Variants in TENM2 observed in about 807,000 individuals in gnomAD.
The protein encoded by TENM2 is teneurin transmembrane protein 2, also known as teneurin-2.
In TENM2, 52 loss-of-function variants were observed where a neutral mutation model predicts 245.2. That is an observed-to-expected ratio of 0.21 (90% CI 0.17 to 0.27). The LOEUF is 0.27. Among genes scored for constraint, TENM2 ranks in the 10% least tolerant of loss-of-function variants. The pLI is 1.00. For synonymous variants in TENM2, 1,363 were observed against 1,438.9 expected, an observed-to-expected ratio of 0.95 and a Z score of 1.19; for missense variants, 3,046 against 3,666.8, an observed-to-expected ratio of 0.83 and a Z score of 4.37.
chr5:167,644,956 G>A (rs1476463663), intron 2 of TENM2, among the ~76,000 whole-genome samples: 2 of 152,194 alleles, frequency 1.3e-5, no homozygotes, highest in Admixed American at 1.3e-4. Context: ...CACCTAGGCT[G>A]TATGGGATAG....
the TENM2 span, among the ~76,000 whole-genome samples, chr5:167,080,608 A>T: frequency 1.3e-5 from 2 of 152,042 alleles, no homozygotes; most frequent in African/African-American, 2.4e-5. Context: ...TTTCCTCGGG[A>T]TGCTAAAATA....
intron 2 of TENM2, among the ~76,000 whole-genome samples, chr5:167,708,739 A>G (rs1469521639): frequency 6.6e-6 from 1 of 152,158 alleles, no homozygotes; most frequent in Non-Finnish European, 1.5e-5. Context: ...TCATACAGTG[A>G]AAAAGAACTA....
At chr5:167,635,178 A>G (rs1403710882) in intron 2 of TENM2, among the ~76,000 whole-genome samples, 1 of 152,194 alleles carries the variant, frequency 6.6e-6, no homozygotes, top group Non-Finnish European at 1.5e-5. Context: ...TAATCTATAT[A>G]CAGAGATATA....
At chr5:167,198,353 C>G in the TENM2 span, among the ~76,000 whole-genome samples, 2 of 152,084 alleles carry the variant, frequency 1.3e-5, no homozygotes, top group Non-Finnish European at 2.9e-5. Flanking sequence ...GTGCAGTTCA[C>G]AGAGTCAACA....
At chr5:168,216,594 A>T (rs957686546) in intron 21 of TENM2, among the ~76,000 whole-genome samples, 174 bp from the exon 24 acceptor site, 1 of 152,168 alleles carries the variant, frequency 6.6e-6, no homozygotes, top group African/African-American at 2.4e-5. Flanking sequence ...CACAGTGCCC[A>T]TGGGAAAGGA....
chr5:168,175,049 C>A (rs569060096), intron 13 of TENM2, among the ~76,000 whole-genome samples: 10 of 152,148 alleles, frequency 6.6e-5, no homozygotes, highest in Non-Finnish European at 1.3e-4. Flanking sequence ...TGGAATCAGA[C>A]GGACCTAGCT....
chr5:167,940,842 GCTCT>G (rs1396919441), intron 3 of TENM2, among the ~76,000 whole-genome samples: 1 of 151,912 alleles, frequency 6.6e-6, no homozygotes, highest in Non-Finnish European at 1.5e-5. Context: ...CACTGGAATG[GCTCT>G]CTCTCTCTAT....
intron 9 of TENM2, among the ~76,000 whole-genome samples, chr5:168,111,328 T>C (rs559237497): frequency 2.0e-5 from 3 of 152,284 alleles, no homozygotes; most frequent in Non-Finnish European, 4.4e-5. Flanking sequence ...TGACCCCATC[T>C]GTCAGAATGC....
exon 9 of TENM2, chr5:168,098,067 G>A: frequency 6.2e-7 from 1 of 1,613,802 alleles, no homozygotes. Context: ...TGGGAATGGT[G>A]AATGTGTGTC....
At chr5:167,149,402 G>A in the TENM2 span, among the ~76,000 whole-genome samples, 2 of 152,058 alleles carry the variant, frequency 1.3e-5, no homozygotes, top group Non-Finnish European at 2.9e-5. Flanking sequence ...ATTAGATAGC[G>A]AGTGTGCCTC....
intron 13 of TENM2, among the ~76,000 whole-genome samples, chr5:168,188,208 T>C (rs909001332): frequency 6.6e-6 from 1 of 152,218 alleles, no homozygotes; most frequent in Non-Finnish European, 1.5e-5. Context: ...GCCAAAAAAT[T>C]ACACTGTAGT....
At chr5:167,094,237 G>C in the TENM2 span, among the ~76,000 whole-genome samples, 2 of 151,960 alleles carry the variant, frequency 1.3e-5, no homozygotes, top group African/African-American at 2.4e-5. Context: ...TGTACAATTT[G>C]GTAAGTTTTG....
intron 2 of TENM2, among the ~76,000 whole-genome samples, chr5:167,441,815 T>C (rs1764896195): frequency 6.6e-6 from 1 of 152,190 alleles, no homozygotes; most frequent in South Asian, 2.1e-4. Context: ...CTTGCGATGA[T>C]GGGTAAGGCA....
chr5:167,133,864 T>C, the TENM2 span, among the ~76,000 whole-genome samples: 1 of 152,064 alleles, frequency 6.6e-6, no homozygotes, highest in African/African-American at 2.4e-5. Flanking sequence ...GCCCTGAAAT[T>C]AACTAATTTT....
the TENM2 span, among the ~76,000 whole-genome samples, chr5:167,012,439 A>G: frequency 6.6e-6 from 1 of 152,228 alleles, no homozygotes; most frequent in East Asian, 1.9e-4. Flanking sequence ...ATAATTTCAA[A>G]TAGTAACTAG....
At chr5:168,241,172 G>C (rs1412030893) in intron 25 of TENM2, 1 of 152,154 alleles carries the variant, frequency 6.6e-6, no homozygotes, top group Non-Finnish European at 1.5e-5. Flanking sequence ...TCTTCCACTT[G>C]AAGTTAGGGT....
the TENM2 span, among the ~76,000 whole-genome samples, chr5:167,097,158 C>T: frequency 6.6e-6 from 1 of 152,062 alleles, no homozygotes; most frequent in Non-Finnish European, 1.5e-5. Flanking sequence ...TGTTTGCCGG[C>T]GCTAGTCTTG....
chr5:167,000,797 C>A, the TENM2 span, among the ~76,000 whole-genome samples: 12 of 152,254 alleles, frequency 7.9e-5, no homozygotes, highest in African/African-American at 2.6e-4. Flanking sequence ...GAACTCCTAG[C>A]TCTATTCGTA....
the TENM2 span, among the ~76,000 whole-genome samples, chr5:167,278,409 T>C: frequency 6.6e-6 from 1 of 152,220 alleles, no homozygotes; most frequent in Admixed American, 6.5e-5. Context: ...ATTAAGACCA[T>C]TTACATTTAA....
Sources: gnomAD v4.1 joint callset for allele counts (sites outside exome capture counted in the v4.1 genomes callset) on GRCh38, gnomAD v4.1.1 for gene constraint, MANE v1.5 for transcripts, NCBI Gene and HGNC (gene_info 2026-07-23, HGNC 2026-07-21) for gene names.